The following YEATS2 variants were observed in gnomAD, a reference collection of about 807,000 sequenced individuals.
YEATS2 encodes the protein YEATS domain containing 2.
YEATS2 carries 77 observed loss-of-function variants against 163.2 expected under a neutral mutation model. The observed-to-expected ratio is 0.47, with a 90% CI of 0.39 to 0.57. The LOEUF is 0.57. Ranked by LOEUF, YEATS2 falls within the 20% of genes least tolerant of loss-of-function variation. YEATS2 has a pLI of 0.00. For missense variants in YEATS2, 1,549 were observed against 1,729.8 expected (o/e 0.90, Z 1.85); for synonymous variants, 631 against 645.1 (o/e 0.98, Z 0.33).
chr3:183,763,513 T>C (rs1373864362), intron 15 of YEATS2, among the ~76,000 whole-genome samples: 1 of 152,238 alleles, frequency 6.6e-6, no homozygotes, highest in Non-Finnish European at 1.5e-5. Context: ...CTACATTTTC[T>C]ATAATCCACA....
intron 8 of YEATS2, among the ~76,000 whole-genome samples, chr3:183,739,064 G>T (rs1718674755): frequency 6.7e-6 from 1 of 149,194 alleles, no homozygotes; most frequent in Admixed American, 6.7e-5. Context: ...TCCAGCACCT[G>T]TTGTTTCCTG....
intron 20 of YEATS2, among the ~76,000 whole-genome samples, chr3:183,788,246 A>G (rs1006576412): frequency 1.3e-5 from 2 of 151,796 alleles, no homozygotes; most frequent in African/African-American, 4.8e-5. Flanking sequence ...GATCTTACTC[A>G]TCCCTTCTAA....
intron 25 of YEATS2, 119 bp downstream of exon 25, chr3:183,801,647 G>T (rs1173669272): frequency 2.7e-6 from 2 of 742,886 alleles, no homozygotes; most frequent in African/African-American, 1.8e-5. Flanking sequence ...TACCTTATAA[G>T]GTTTCAGCTA....
At chr3:183,707,147 T>C (rs1331640744) in intron 1 of YEATS2, among the ~76,000 whole-genome samples, 1 of 152,186 alleles carries the variant, frequency 6.6e-6, no homozygotes, top group African/African-American at 2.4e-5. Context: ...CTGAAACAGT[T>C]CTGGTCCCAG....
chr3:183,794,690 T>TG (rs1403677505), intron 21 of YEATS2, among the ~76,000 whole-genome samples: 1 of 152,202 alleles, frequency 6.6e-6, no homozygotes, highest in Admixed American at 6.5e-5. Context: ...TTCTACTGAG[T>TG]GCCTGTTGCT....
chr3:183,737,941 T>C (rs1418928000), intron 8 of YEATS2, among the ~76,000 whole-genome samples: 3 of 152,222 alleles, frequency 2.0e-5, no homozygotes, highest in African/African-American at 7.2e-5. Context: ...CAACATCATG[T>C]GCTCATTTTT....
At chr3:183,768,929 G>GCCAC (rs1459427311) in intron 15 of YEATS2, among the ~76,000 whole-genome samples, 1 of 152,182 alleles carries the variant, frequency 6.6e-6, no homozygotes, top group Non-Finnish European at 1.5e-5. Context: ...CTGAGATCGT[G>GCCAC]CCACCGCACT....
intron 7 of YEATS2, 48 bp downstream of exon 7, chr3:183,728,899 T>G (rs746249334): frequency 8.5e-6 from 13 of 1,529,964 alleles, no homozygotes; most frequent in Non-Finnish European, 7.1e-6. Flanking sequence ...CAGACTTATT[T>G]TTGAAGTGGA....
At chr3:183,737,259 A>T (rs1453581646) in intron 8 of YEATS2, among the ~76,000 whole-genome samples, 1 of 152,218 alleles carries the variant, frequency 6.6e-6, no homozygotes, top group Non-Finnish European at 1.5e-5. Context: ...AAATCCGTGT[A>T]TAAGCAGATC....
At chr3:183,762,997 G>C (rs1334476223) in intron 15 of YEATS2, among the ~76,000 whole-genome samples, 1 of 151,910 alleles carries the variant, frequency 6.6e-6, no homozygotes, top group Non-Finnish European at 1.5e-5. Flanking sequence ...GTTGCGGTGA[G>C]CTGAGATCGC....
intron 2 of YEATS2, among the ~76,000 whole-genome samples, chr3:183,716,117 G>A (rs1249622489): frequency 2.6e-5 from 4 of 151,830 alleles, no homozygotes; most frequent in South Asian, 2.1e-4. Context: ...CCGCCACCAC[G>A]CCTTGCTAAT....
intron 19 of YEATS2, among the ~76,000 whole-genome samples, chr3:183,778,577 A>C (rs1321023170): frequency 6.6e-6 from 1 of 152,170 alleles, no homozygotes; most frequent in Non-Finnish European, 1.5e-5. Context: ...GCTGGTCTCC[A>C]GCTCGTGACC....
intron 14 of YEATS2, 131 bp downstream of exon 14, chr3:183,761,745 A>G (rs997111923): frequency 1.2e-6 from 1 of 832,024 alleles, no homozygotes; most frequent in Admixed American, 2.3e-5. Flanking sequence ...ACGTGCTTCC[A>G]TGTATTTAAT....
At chr3:183,793,893 G>A (rs1257500192) in intron 21 of YEATS2, among the ~76,000 whole-genome samples, 1 of 152,144 alleles carries the variant, frequency 6.6e-6, no homozygotes, top group African/African-American at 2.4e-5. Context: ...GATTACAGGC[G>A]TGAGCCACCG....
Position 183,715,225 on chromosome 3 carries a change from C to G in YEATS2, c.63C>G (p.Ala21=). 6.2e-7 allele frequency: 1 copy of G among 1,611,306 alleles called. No homozygotes were observed. Among genetic ancestry groups the G allele is most frequent in the Non-Finnish European group, 8.5e-7 (1 of 1,179,420 alleles). ...CTGATTACGAGGATGTATCTGTGGC[C>G]CTTCCAAATAAGCGGCATAAAGCAA... is the stretch of plus-strand genomic sequence containing the variant. ...TDPDYEDVSV[A]LPNKRHKAIE... The change falls in exon 2 of 31, where the codon GCC becomes GCG. Residue 21 remains alanine, a synonymous_variant. Coordinates refer to ENST00000305135, the MANE Select transcript of YEATS2 (RefSeq NM_018023.5).
intron 1 of YEATS2, among the ~76,000 whole-genome samples, chr3:183,703,880 G>T (rs1714357788): frequency 6.6e-6 from 1 of 152,136 alleles, no homozygotes; most frequent in East Asian, 1.9e-4. Context: ...TCCTAAAGGG[G>T]CCAGGCGTAG....
chr3:183,715,116 A>C, intron 1 of YEATS2, 28 bp from the exon 2 acceptor site: 1 of 1,422,970 alleles, frequency 7.0e-7, no homozygotes, highest in East Asian at 2.3e-5. Context: ...GAATAATTAA[A>C]AATTATTAAT....
At chr3:183,798,479 G>A (rs532339855) in intron 22 of YEATS2, among the ~76,000 whole-genome samples, 3 of 152,004 alleles carry the variant, frequency 2.0e-5, no homozygotes, top group African/African-American at 7.2e-5. Context: ...TCAGCCTCCC[G>A]AGTAGCTGGG....
At chr3:183,722,268 G>A (rs1004861591) in intron 5 of YEATS2, 132 bp downstream of exon 5, 4 of 736,000 alleles carry the variant, frequency 5.4e-6, no homozygotes, top group Admixed American at 3.8e-5. Flanking sequence ...TTATAATGGG[G>A]AAACCAAATC....
Sources: allele counts gnomAD v4.1 joint callset (sites outside exome capture counted in the v4.1 genomes callset), GRCh38; gene constraint gnomAD v4.1.1; transcripts MANE v1.5; gene names NCBI Gene and HGNC (gene_info 2026-07-23, HGNC 2026-07-21).